Variants in ARHGAP35 observed in about 807,000 individuals in gnomAD.
ARHGAP35 encodes rho GTPase-activating protein 35.
A neutral mutation model predicts 111.1 loss-of-function variants in ARHGAP35; 15 were observed. That is an observed-to-expected ratio of 0.13 (90% CI 0.09 to 0.21). ARHGAP35 has a LOEUF of 0.21. ARHGAP35 is among the 10% of genes least tolerant of loss of function. The pLI, the probability that ARHGAP35 is intolerant of heterozygous loss-of-function variation, is 1.00. For synonymous variants in ARHGAP35, 643 were observed against 710.3 expected (o/e 0.91, Z 1.51); for missense variants, 1,262 against 1,873.0 (o/e 0.67, Z 6.02).
At chr19:46,891,946 GC>G (rs776280877) in intron 1 of ARHGAP35, among the ~76,000 whole-genome samples, 6 of 151,702 alleles carry the variant, frequency 4.0e-5, no homozygotes, top group Non-Finnish European at 7.4e-5. Context: ...TTCGAGACCA[GC>G]CTGGGCAACG....
rs2056739695 is a variant in ARHGAP35, at chr19:47,000,420, C to G, written c.4232C>G (p.Thr1411Ser). Reference sequence around the variant, plus strand: ...ACCTTGATGAGACCTGATTTCAGCACTATGGACGCCCTCACAGCCACGCGC... The same window carrying G: ...ACCTTGATGAGACCTGATTTCAGCAGTATGGACGCCCTCACAGCCACGCGC... ...WPTLMRPDFS[T>S]MDALTATRTY... Residue 1411 changes from threonine to serine, a missense_variant, in exon 7 of 7, where the codon ACT (threonine) becomes AGT (serine). Transcript: ENST00000672722. The surrounding 1 kb of genome is among the most constrained non-coding windows in gnomAD (Gnocchi z 6.9). 6.2e-7 allele frequency: 1 copy of G among 1,613,812 alleles called. No individual in the cohort carries two copies. The highest frequency in any genetic ancestry group is 1.3e-5 in the African/African-American group (1 of 74,878).
At chr19:46,932,502 A>G (rs2056278832) in intron 2 of ARHGAP35, among the ~76,000 whole-genome samples, 1 of 152,154 alleles carries the variant, frequency 6.6e-6, no homozygotes, top group African/African-American at 2.4e-5. Flanking sequence ...GACTGGGGGC[A>G]TGAGATATCT....
At position 46,994,049 on chromosome 19, in the gene ARHGAP35, G is replaced by T. The variant is rs867584761; in HGVS notation, c.4036+4374G>T. 6.6e-6 allele frequency among the ~76,000 whole-genome samples: 1 copy of T among 152,198 alleles called. No individual in the cohort carries two copies. Among genetic ancestry groups the T allele is most frequent in the African/African-American group, 2.4e-5 (1 of 41,442 alleles). On this transcript the variant is annotated intron_variant, in intron 5 of 6. Transcript: ENST00000672722. The surrounding 1 kb of genome is among the most constrained non-coding windows in gnomAD (Gnocchi z 5.4). ...GGGTCCTGAGGGGACTCTGAAGGGG[G>T]TGGAGGTTACACCAAAAGTCTGGAC...
At chr19:46,938,918 G>A (rs1015617940) in intron 3 of ARHGAP35, among the ~76,000 whole-genome samples, 1 of 152,132 alleles carries the variant, frequency 6.6e-6, no homozygotes, top group East Asian at 1.9e-4. Flanking sequence ...GCCTGCCAAA[G>A]TGCTGGGATT....
chr19:46,995,105 T>C (rs764980364), intron 5 of ARHGAP35, among the ~76,000 whole-genome samples: 1 of 150,536 alleles, frequency 6.6e-6, no homozygotes, highest in African/African-American at 2.4e-5. Context: ...CAGGGGAGGG[T>C]GGGTATAGAA....
At chr19:46,985,317 G>A (rs1051498036) in intron 3 of ARHGAP35, among the ~76,000 whole-genome samples, 4 of 152,210 alleles carry the variant, frequency 2.6e-5, no homozygotes, top group African/African-American at 7.2e-5. Context: ...CTGCCCTGGT[G>A]CTTAGGCCAG....
Position 46,988,139 on chromosome 19 carries a change from CTG to C in ARHGAP35, c.3904+76_3904+77del, listed in dbSNP as rs1383923489. The stretch of plus-strand genomic sequence containing the variant: ...AGACACAGCTGCCTCGGTGAACTGT[CTG>C]TGGGGCTTCGGAGCACTCCTGCCAG... On this transcript the variant is annotated intron_variant, in intron 4 of 6. Coordinates refer to ENST00000672722, the MANE Select transcript of ARHGAP35 (RefSeq NM_004491.5). The surrounding 1 kb of genome is among the most constrained non-coding windows in gnomAD (Gnocchi z 5.4). 7.6e-6 allele frequency: 11 copies of C among 1,447,444 alleles called. No homozygotes were observed. The Admixed American group carries it at 2.0e-4, about 27-fold the overall frequency. 89.7% of individuals were successfully genotyped at this position (1,447,444 alleles called of 1,614,324 possible).
chr19:46,888,590 GA>G (rs1189291995), intron 1 of ARHGAP35, among the ~76,000 whole-genome samples: 1 of 151,258 alleles, frequency 6.6e-6, no homozygotes, highest in East Asian at 1.9e-4. Context: ...TCCAATTTAG[GA>G]AAATGTTTTG....
intron 3 of ARHGAP35, among the ~76,000 whole-genome samples, chr19:46,941,142 T>A (rs1375644934): frequency 6.6e-6 from 1 of 152,184 alleles, no homozygotes; most frequent in Non-Finnish European, 1.5e-5. Flanking sequence ...TCTACAAGAA[T>A]GCGATTTATC....
intron 3 of ARHGAP35, among the ~76,000 whole-genome samples, chr19:46,984,564 T>G (rs2056638790): frequency 6.6e-6 from 1 of 152,188 alleles, no homozygotes; most frequent in Non-Finnish European, 1.5e-5. Context: ...AATTAGTAGT[T>G]ACGATAAATT....
At chr19:46,934,683 A>AT (rs2056294581) in intron 2 of ARHGAP35, among the ~76,000 whole-genome samples, 1 of 150,216 alleles carries the variant, frequency 6.7e-6, no homozygotes, top group Non-Finnish European at 1.5e-5. Flanking sequence ...CTTATTTATT[A>AT]TTTTGAGACG....
chr19:46,909,163 C>T (rs2056125486), intron 1 of ARHGAP35, among the ~76,000 whole-genome samples: 1 of 151,962 alleles, frequency 6.6e-6, no homozygotes, highest in Admixed American at 6.6e-5. Flanking sequence ...ATTAGCCGGC[C>T]GTGGTGGCAT....
chr19:46,940,961 A>G (rs1055378120), intron 3 of ARHGAP35, among the ~76,000 whole-genome samples: 7 of 148,298 alleles, frequency 4.7e-5, no homozygotes, highest in African/African-American at 1.7e-4. Context: ...TGCCTACCAG[A>G]TGCAGGTCGC....
At chr19:46,928,741 G>A (rs910761992) in intron 2 of ARHGAP35, among the ~76,000 whole-genome samples, 4 of 152,116 alleles carry the variant, frequency 2.6e-5, no homozygotes, top group Admixed American at 2.0e-4. Context: ...AGACCAGCCT[G>A]GCCAACATGG....
intron 1 of ARHGAP35, among the ~76,000 whole-genome samples, chr19:46,865,178 C>T (rs2122851101): frequency 1.3e-5 from 2 of 152,276 alleles, no homozygotes; most frequent in Middle Eastern, 3.4e-3. Context: ...GGCCTTCTGG[C>T]ACAGTTAATA....
Position 47,000,703 on chromosome 19 carries a change from G to A in ARHGAP35, c.*15G>A. 2.6e-6 allele frequency: 4 copies of A among 1,554,330 alleles called. No individual in the cohort carries two copies. Among genetic ancestry groups the A allele is most frequent in the South Asian group, 2.4e-5 (2 of 81,934 alleles). On this transcript the variant is annotated 3_prime_UTR_variant, in exon 7 of 7. Transcript: ENST00000672722. The surrounding 1 kb of genome is among the most constrained non-coding windows in gnomAD (Gnocchi z 6.9). ...ACACGCTGTGAGCCACCAAGACCTG[G>A]GGCGACAGGAGAACCGGTCCTCTCT... is the stretch of plus-strand genomic sequence containing the variant.
intron 1 of ARHGAP35, among the ~76,000 whole-genome samples, chr19:46,898,890 T>C (rs899218396): frequency 2.6e-5 from 4 of 152,094 alleles, no homozygotes; most frequent in African/African-American, 9.7e-5. Context: ...GCGGTGTGTG[T>C]AGTTGCCTGC....
chr19:46,907,048 T>C (rs1298994517), intron 1 of ARHGAP35, among the ~76,000 whole-genome samples: 1 of 152,178 alleles, frequency 6.6e-6, no homozygotes, highest in Non-Finnish European at 1.5e-5. Context: ...TGTGATTATA[T>C]CATACTGGGC....
At chr19:46,928,490 T>C (rs1177268314) in intron 2 of ARHGAP35, among the ~76,000 whole-genome samples, 1 of 152,102 alleles carries the variant, frequency 6.6e-6, no homozygotes, top group Non-Finnish European at 1.5e-5. Context: ...ATTCAGTGTG[T>C]GTTGAACTTC....
Sources: allele counts gnomAD v4.1 joint callset (sites outside exome capture counted in the v4.1 genomes callset), GRCh38; gene constraint gnomAD v4.1.1; non-coding constraint Gnocchi (gnomAD v3.1); transcripts MANE v1.5; gene names NCBI Gene and HGNC (gene_info 2026-07-23, HGNC 2026-07-21).